STOX2: variants seen among roughly 807,000 people sequenced by gnomAD.
STOX2 encodes the protein storkhead-box protein 2.
A neutral mutation model predicts 60.9 loss-of-function variants in STOX2; 28 were observed. The ratio of observed to expected loss-of-function variants is 0.46; its 90% CI spans 0.34 to 0.63. The LOEUF is 0.63. Ranked by LOEUF, STOX2 falls within the 30% of genes least tolerant of loss-of-function variation. The pLI is 0.01. For missense variants in STOX2, 1,024 were observed against 1,187.7 expected, an observed-to-expected ratio of 0.86 and a Z score of 2.03; for synonymous variants, 472 against 463.9, an observed-to-expected ratio of 1.02 and a Z score of -0.22.
intron 1 of STOX2, among the ~76,000 whole-genome samples, chr4:183,812,337 T>C (rs1226124878): frequency 1.2e-5 from 1 of 82,326 alleles, no homozygotes; most frequent in African/African-American, 7.9e-5. Context: ...AAACTATAAC[T>C]TTAAATTTAC....
rs186115473 is a variant in STOX2, at chr4:183,838,690, C to T, written c.364+40635C>T. On this transcript the variant is annotated intron_variant, in intron 1 of 2. Transcript: ENST00000513034. ...AATGCTCTTGCTCAAAACTGTGCTTCCCATTCCAGGGGTTTTGGCCTCTCT... is the reference window on the plus strand; with the variant it reads ...AATGCTCTTGCTCAAAACTGTGCTTTCCATTCCAGGGGTTTTGGCCTCTCT... Among the ~76,000 whole-genome samples the T allele has an allele frequency of 4.6e-3, 703 of 152,302 alleles. 1 individual carries two copies. Among genetic ancestry groups the T allele is most frequent in the Admixed American group, 7.3e-3 (112 of 15,296 alleles).
chr4:183,892,591 T>C (rs1389018911), intron 1 of STOX2, among the ~76,000 whole-genome samples: 3 of 152,226 alleles, frequency 2.0e-5, no homozygotes, highest in Non-Finnish European at 4.4e-5. Flanking sequence ...ATTCACACTC[T>C]TCTTGCATGC....
intron 1 of STOX2, among the ~76,000 whole-genome samples, chr4:183,970,691 C>T (rs777491995): frequency 6.6e-6 from 1 of 152,216 alleles, no homozygotes; most frequent in African/African-American, 2.4e-5. Flanking sequence ...CACTGGTTCC[C>T]CCACCAAAGT....
Position 184,011,333 on chromosome 4 carries a change from G to A in STOX2, c.2495G>A (p.Ser832Asn). Residue 832 changes from serine (S) to asparagine (N), a missense_variant, in exon 3 of 4, where the codon AGC becomes AAC. Physicochemically the swap from Ser to Asn is conservative, Grantham distance 46. Transcript: ENST00000308497. The surrounding 1 kb of genome is among the most constrained non-coding windows in gnomAD (Gnocchi z 4.4). ...LTLLAPKETD[S>N]SSNQRATHSA... Reference sequence around the variant, plus strand: ...CTTCTTGCTCCAAAAGAAACCGACAGCAGCAGCAACCAGAGAGCCACCCAT... The same window carrying A: ...CTTCTTGCTCCAAAAGAAACCGACAACAGCAGCAACCAGAGAGCCACCCAT... The A allele has an allele frequency of 6.2e-7, 1 of 1,614,008 alleles. No individual in the cohort carries two copies. Among genetic ancestry groups the A allele is most frequent in the Non-Finnish European group, 8.5e-7 (1 of 1,179,906 alleles).
intron 1 of STOX2, among the ~76,000 whole-genome samples, chr4:183,982,522 A>G (rs1373768217): frequency 6.6e-6 from 1 of 152,186 alleles, no homozygotes; most frequent in Non-Finnish European, 1.5e-5. Context: ...TTATGCAACT[A>G]AGAAAGTATA....
intron 1 of STOX2, among the ~76,000 whole-genome samples, chr4:183,818,140 G>A (rs906124853): frequency 8.1e-5 from 12 of 148,594 alleles, no homozygotes; most frequent in African/African-American, 2.2e-4. Context: ...GGTGTTTCTC[G>A]CAGAGGGGGA....
intron 1 of STOX2, among the ~76,000 whole-genome samples, chr4:183,848,599 G>A (rs1328695972): frequency 1.3e-5 from 2 of 152,140 alleles, no homozygotes; most frequent in African/African-American, 2.4e-5. Context: ...ATAACCGTTA[G>A]GTGGGCAGTG....
At chr4:183,942,441 G>C (rs1742779171) in intron 1 of STOX2, among the ~76,000 whole-genome samples, 3 of 151,174 alleles carry the variant, frequency 2.0e-5, no homozygotes, top group Admixed American at 1.3e-4. Flanking sequence ...CTGGTTGTTG[G>C]ATCTGGGTTT....
chr4:183,823,345 G>C (rs1034448541), intron 1 of STOX2, among the ~76,000 whole-genome samples: 1 of 152,190 alleles, frequency 6.6e-6, no homozygotes, highest in Admixed American at 6.5e-5. Flanking sequence ...GCAGTGAGCT[G>C]AGAATGTGCC....
At chr4:183,895,799 GCAGA>G (rs1429062998) in intron 1 of STOX2, among the ~76,000 whole-genome samples, 1 of 152,212 alleles carries the variant, frequency 6.6e-6, no homozygotes, top group Non-Finnish European at 1.5e-5. Context: ...CGCCAGGGAA[GCAGA>G]CAGACATTTT....
upstream of STOX2, among the ~76,000 whole-genome samples, chr4:183,900,598 A>G (rs59859722): frequency 2.9e-4 from 44 of 152,342 alleles, 1 homozygote; most frequent in East Asian, 7.7e-3. Context: ...TTCAAACTGC[A>G]AGTTTTCCTT....
intron 2 of STOX2, among the ~76,000 whole-genome samples, chr4:184,005,645 C>T (rs1304816533): frequency 1.3e-5 from 2 of 152,078 alleles, no homozygotes; most frequent in Non-Finnish European, 2.9e-5. Flanking sequence ...CTTTCGGAGT[C>T]GAATTTGGAA....
chr4:183,910,414 A>G (rs1408889558), intron 1 of STOX2, among the ~76,000 whole-genome samples: 1 of 152,190 alleles, frequency 6.6e-6, no homozygotes, highest in African/African-American at 2.4e-5. Context: ...CCTTTTGTTG[A>G]TGAAGTTGTG....
chr4:183,938,155 C>T (rs934095998), intron 1 of STOX2, among the ~76,000 whole-genome samples: 3 of 152,052 alleles, frequency 2.0e-5, no homozygotes, highest in Non-Finnish European at 4.4e-5. Context: ...TCTCAAGAAA[C>T]AAAACAAAAC....
chr4:183,863,099 C>T (rs1301957311), intron 1 of STOX2, among the ~76,000 whole-genome samples: 1 of 152,166 alleles, frequency 6.6e-6, no homozygotes, highest in Non-Finnish European at 1.5e-5. Flanking sequence ...TTGTGTCTCC[C>T]ACAAGGTCAT....
In STOX2 at chr4:184,009,060, G is replaced by A; in HGVS notation, c.320-98G>A. 1 of 930,000 alleles carries A rather than the reference G, an allele frequency of 1.1e-6. No homozygotes were observed. Among genetic ancestry groups the A allele is most frequent in the East Asian group, 2.6e-5 (1 of 38,000 alleles). 57.6% of individuals were successfully genotyped at this position (930,000 alleles called of 1,614,324 possible). On this transcript the variant is annotated intron_variant, in intron 2 of 3. Coordinates refer to ENST00000308497, the MANE Select transcript of STOX2 (RefSeq NM_020225.3). The surrounding 1 kb of genome is among the most constrained non-coding windows in gnomAD (Gnocchi z 4.0). The stretch of plus-strand genomic sequence containing the variant: ...AATTGTGCATCCTAGCTCTGTGATG[G>A]TACTTCGCATCTTGGCGAATGAATA...
intron 1 of STOX2, among the ~76,000 whole-genome samples, chr4:183,990,502 TCTC>T (rs1733055800): frequency 6.7e-6 from 1 of 149,630 alleles, no homozygotes; most frequent in African/African-American, 2.5e-5. Flanking sequence ...GCTGTCTACA[TCTC>T]CTAGCAGTTC....
chr4:183,903,625 C>A (rs1741511999), upstream of STOX2, among the ~76,000 whole-genome samples: 1 of 152,222 alleles, frequency 6.6e-6, no homozygotes, highest in African/African-American at 2.4e-5. Context: ...CCACAGCAGT[C>A]ACCATTAGCT....
At chr4:183,960,947 T>A (rs1380253965) in intron 1 of STOX2, among the ~76,000 whole-genome samples, 1 of 152,176 alleles carries the variant, frequency 6.6e-6, no homozygotes, top group Non-Finnish European at 1.5e-5. Context: ...TGGTGGTTTG[T>A]GAAACAAATA....
Sources: allele counts gnomAD v4.1 joint callset (sites outside exome capture counted in the v4.1 genomes callset), GRCh38; gene constraint gnomAD v4.1.1; non-coding constraint Gnocchi (gnomAD v3.1); transcripts MANE v1.5; gene names NCBI Gene and HGNC (gene_info 2026-07-23, HGNC 2026-07-21).